Variants in MAP3K20 observed in about 807,000 individuals in gnomAD.
The protein encoded by MAP3K20 is mitogen-activated protein kinase kinase kinase 20, also known as HCCS-4.
In MAP3K20, 40 loss-of-function variants were observed where a neutral mutation model predicts 85.7. The ratio of observed to expected loss-of-function variants is 0.47; its 90% CI spans 0.36 to 0.61. The LOEUF is 0.61. Among genes scored for constraint, MAP3K20 ranks in the 20% least tolerant of loss-of-function variants. MAP3K20 has a pLI of 0.00. For missense variants in MAP3K20, 817 were observed against 961.7 expected (o/e 0.85, Z 1.99); for synonymous variants, 325 against 327.7 (o/e 0.99, Z 0.09).
At chr2:173,245,713 C>T (rs1163655552) in intron 16 of MAP3K20, among the ~76,000 whole-genome samples, 1 of 152,228 alleles carries the variant, frequency 6.6e-6, no homozygotes, top group African/African-American at 2.4e-5. Context: ...GGGCAGATCA[C>T]TTGAGGTTAG....
intron 11 of MAP3K20, chr2:173,224,183 G>GT: frequency 4.3e-6 from 4 of 936,320 alleles, no homozygotes; most frequent in Non-Finnish European, 5.1e-6. Flanking sequence ...GGGTGTTGAG[G>GT]TTTTTAAAGT....
At chr2:173,246,149 C>CA (rs1684908225) in intron 16 of MAP3K20, among the ~76,000 whole-genome samples, 2 of 152,172 alleles carry the variant, frequency 1.3e-5, no homozygotes, top group African/African-American at 4.8e-5. Flanking sequence ...TCATCCTCTT[C>CA]ATGAGGAAAC....
intron 17 of MAP3K20, among the ~76,000 whole-genome samples, chr2:173,260,828 G>C (rs1430130900): frequency 6.6e-6 from 1 of 152,230 alleles, no homozygotes; most frequent in African/African-American, 2.4e-5. Context: ...AAAGAAGATT[G>C]TGGGAGGCCA....
intron 2 of MAP3K20, among the ~76,000 whole-genome samples, chr2:173,151,080 A>G (rs1689294129): frequency 6.6e-6 from 1 of 152,210 alleles, no homozygotes; most frequent in Non-Finnish European, 1.5e-5. Context: ...CAGGGTTTTC[A>G]GACTCCAAGG....
intron 2 of MAP3K20, among the ~76,000 whole-genome samples, chr2:173,145,246 CA>C (rs952558093): frequency 2.7e-5 from 4 of 146,190 alleles, no homozygotes; most frequent in East Asian, 4.0e-4. Flanking sequence ...GACTCCGTCT[CA>C]AAAAAAAAGA....
At chr2:173,082,182 A>G (rs1384511840) in intron 1 of MAP3K20, among the ~76,000 whole-genome samples, 1 of 151,950 alleles carries the variant, frequency 6.6e-6, no homozygotes, top group Admixed American at 6.5e-5. Context: ...TTATTTATTC[A>G]TTTTTTGTAC....
At chr2:173,138,217 C>T (rs528006570) in intron 2 of MAP3K20, among the ~76,000 whole-genome samples, 11 of 152,148 alleles carry the variant, frequency 7.2e-5, no homozygotes, top group Non-Finnish European at 1.2e-4. Flanking sequence ...GTTTCGCCCG[C>T]CTCGGCCTCC....
rs543981717 is a variant in MAP3K20 at position 173,116,166 on chromosome 2, A to T, written c.159+24976A>T. Among the ~76,000 whole-genome samples, 20 of 152,236 alleles carry T rather than the reference A, an allele frequency of 1.3e-4. No individual in the cohort carries two copies. The East Asian group carries it at 3.5e-3, about 26-fold the overall frequency. Reference sequence around the variant, plus strand: ...TGTGCCTGGCCTATTATATATTTTGAATTGACAAGTAAAATGGTATATATT... The same window carrying T: ...TGTGCCTGGCCTATTATATATTTTGTATTGACAAGTAAAATGGTATATATT... On this transcript the variant is annotated intron_variant, in intron 2 of 19. Transcript: ENST00000375213.
At chr2:173,121,480 G>C (rs997685530) in intron 2 of MAP3K20, among the ~76,000 whole-genome samples, 1 of 152,122 alleles carries the variant, frequency 6.6e-6, no homozygotes, top group African/African-American at 2.4e-5. Flanking sequence ...TCTGCCTCCC[G>C]GGTTCACGCC....
chr2:173,192,801 A>G (rs1690700720), intron 7 of MAP3K20: 1 of 152,198 alleles, frequency 6.6e-6, no homozygotes, highest in Non-Finnish European at 1.5e-5. Context: ...TGAGGCACAC[A>G]CCACCTGAGA....
In MAP3K20 at chr2:173,229,710, G is replaced by C; in HGVS notation, c.1009G>C (p.Gly337Arg). 1 of 1,613,954 alleles carries C rather than the reference G, an allele frequency of 6.2e-7. No individual in the cohort carries two copies. The highest frequency in any genetic ancestry group is 1.1e-5 in the South Asian group (1 of 91,070). Residue 337 changes from glycine (G) to arginine (R), a missense_variant, in exon 12 of 20, where the codon GGT becomes CGT. Transcript: ENST00000375213. ...GCAGCTGCTGCCTTCCTTTGAGATT[G>C]GTGCATGGACGGAAGACGATGTGGT... ...NTPLLPSFEI[G>R]AWTEDDVYCW...
At chr2:173,206,709 C>T (rs551453369) in intron 9 of MAP3K20, among the ~76,000 whole-genome samples, 2 of 152,120 alleles carry the variant, frequency 1.3e-5, no homozygotes, top group Admixed American at 6.5e-5. Context: ...CCTAGATGGA[C>T]GGCAAGCTTT....
At chr2:173,086,249 G>A (rs1687143492) in intron 1 of MAP3K20, among the ~76,000 whole-genome samples, 1 of 152,120 alleles carries the variant, frequency 6.6e-6, no homozygotes. Flanking sequence ...TAATCAAGTA[G>A]CAGTCTTCCC....
chr2:173,200,544 A>G (rs1461920632), intron 8 of MAP3K20, among the ~76,000 whole-genome samples: 3 of 152,252 alleles, frequency 2.0e-5, no homozygotes, highest in Non-Finnish European at 2.9e-5. Flanking sequence ...GTCATCTATA[A>G]TATCTATATC....
intron 2 of MAP3K20, among the ~76,000 whole-genome samples, chr2:173,114,031 T>C (rs575030897): frequency 6.6e-6 from 1 of 152,330 alleles, no homozygotes; most frequent in South Asian, 2.1e-4. Context: ...GTCTCATTTC[T>C]TAGGTCTATT....
chr2:173,164,446 G>A (rs1238397941), intron 2 of MAP3K20, among the ~76,000 whole-genome samples: 1 of 152,054 alleles, frequency 6.6e-6, no homozygotes, highest in Non-Finnish European at 1.5e-5. Context: ...ATAGATTCTG[G>A]ACATTAGACC....
At chr2:173,264,658 G>A (rs999021085) in intron 19 of MAP3K20, among the ~76,000 whole-genome samples, 8 of 152,154 alleles carry the variant, frequency 5.3e-5, no homozygotes, top group Non-Finnish European at 1.0e-4. Flanking sequence ...TCCCGATCAC[G>A]TGGCTACATG....
chr2:173,149,310 G>A (rs556103410), intron 2 of MAP3K20, among the ~76,000 whole-genome samples: 1 of 152,272 alleles, frequency 6.6e-6, no homozygotes, highest in East Asian at 1.9e-4. Context: ...ACTAAATGCA[G>A]TGTGGCACCT....
chr2:173,162,794 A>G (rs1689702030), intron 2 of MAP3K20, among the ~76,000 whole-genome samples: 1 of 152,070 alleles, frequency 6.6e-6, no homozygotes. Flanking sequence ...AGTAATTGAC[A>G]TTCATGGGCA....
Sources: allele counts gnomAD v4.1 joint callset (sites outside exome capture counted in the v4.1 genomes callset), GRCh38; gene constraint gnomAD v4.1.1; transcripts MANE v1.5; gene names NCBI Gene and HGNC (gene_info 2026-07-23, HGNC 2026-07-21).